NRXN3: variants seen among roughly 807,000 people sequenced by gnomAD.
NRXN3 encodes the protein neurexin III.
In NRXN3, 32 loss-of-function variants were observed where a neutral mutation model predicts 137.6. The ratio of observed to expected loss-of-function variants is 0.23; its 90% CI spans 0.18 to 0.31. NRXN3 has a LOEUF of 0.31. Among genes scored for constraint, NRXN3 ranks in the 10% least tolerant of loss-of-function variants. The probability of loss-of-function intolerance (pLI) is 1.00; values close to 1 mark genes in which losing one functional copy is unlikely to be tolerated. For missense variants in NRXN3, 1,574 were observed against 2,062.5 expected, an observed-to-expected ratio of 0.76 and a Z score of 4.59; for synonymous variants, 798 against 784.5, an observed-to-expected ratio of 1.02 and a Z score of -0.29.
intron 6 of NRXN3, among the ~76,000 whole-genome samples, chr14:78,668,390 G>T (rs1226658799): frequency 6.6e-6 from 1 of 152,196 alleles, no homozygotes; most frequent in Non-Finnish European, 1.5e-5. Flanking sequence ...TAGTTCAGGG[G>T]TTGACAGCAT....
chr14:79,632,446 T>C (rs1337051358), intron 16 of NRXN3: 1 of 152,150 alleles, frequency 6.6e-6, no homozygotes, highest in East Asian at 1.9e-4. Flanking sequence ...AAGAAGGGAA[T>C]TCAGGACAGA....
rs2099358944 is a variant in NRXN3 at position 78,943,624 on chromosome 14, ATATATATATATATATAT to A, written c.2276-13617_2276-13601del. Among the ~76,000 whole-genome samples, 80 of 15,846 alleles carry A rather than the reference ATATATATATATATATAT, an allele frequency of 5.0e-3. 4 individuals are homozygous for A. The highest frequency in any genetic ancestry group is 0.031 in the Middle Eastern group (1 of 32). The allele number at this position is 15,846 out of a possible 152,430, so 10.4% of individuals were successfully genotyped here. On this transcript the variant is annotated intron_variant, in intron 10 of 20. Coordinates refer to ENST00000335750, the MANE Select transcript of NRXN3 (RefSeq NM_001330195.2). Reference sequence around the variant, plus strand: ...AAGATCACTGTTAAAAAAAAAAAATATATATATATATATATATATATATATATATATATATATATATA... The same window carrying A: ...AAGATCACTGTTAAAAAAAAAAAATAATATATATATATATATATATATATA...
rs1473636530 is a variant in NRXN3 at position 78,967,975 on chromosome 14, G to A, written c.2969-198G>A. Reference sequence around the variant, plus strand: ...ATTTTTGAGATGGTATATATAAAATGAATGACACATAATAAATATTGGTTT... The same window carrying A: ...ATTTTTGAGATGGTATATATAAAATAAATGACACATAATAAATATTGGTTT... On this transcript the variant is annotated intron_variant, in intron 13 of 20. Transcript: ENST00000335750. Among the ~76,000 whole-genome samples the A allele has an allele frequency of 2.1e-5, 3 of 140,922 alleles. No homozygotes were observed. In the East Asian group the frequency reaches 6.6e-4, roughly 31 times the overall value. 92.5% of individuals were successfully genotyped at this position (140,922 alleles called of 152,430 possible). A position where few individuals can be genotyped will look rare whatever the true frequency, so the allele number is the denominator to read the frequency against.
chr14:79,122,350 A>G (rs769674907), intron 15 of NRXN3, among the ~76,000 whole-genome samples: 4 of 152,174 alleles, frequency 2.6e-5, no homozygotes, highest in Non-Finnish European at 2.9e-5. Flanking sequence ...GGCCAGAGGC[A>G]TGTTCTGACT....
chr14:79,472,591 C>A (rs756488809), intron 16 of NRXN3, among the ~76,000 whole-genome samples: 1 of 152,042 alleles, frequency 6.6e-6, no homozygotes, highest in Non-Finnish European at 1.5e-5. Context: ...TTCTGTAGAG[C>A]GAGGGTGTCT....
chr14:79,293,578 G>C (rs2083537953), intron 15 of NRXN3, among the ~76,000 whole-genome samples: 1 of 152,228 alleles, frequency 6.6e-6, no homozygotes, highest in Admixed American at 6.5e-5. Context: ...TTAGCACTCA[G>C]GCTTTCCAGG....
chr14:79,020,129 C>T (rs981542878), intron 15 of NRXN3, among the ~76,000 whole-genome samples: 1,814 of 13,934 alleles, frequency 0.13, 63 homozygotes, highest in African/African-American at 0.39. Context: ...TTTCCTTTCC[C>T]TTCCCTTCCC....
chr14:79,235,045 A>G (rs143787695), intron 15 of NRXN3, among the ~76,000 whole-genome samples: 2,965 of 152,262 alleles, frequency 0.019, 100 homozygotes, highest in African/African-American at 0.068. Flanking sequence ...TTTTGAAAAT[A>G]CATTAAGTAT....
intron 15 of NRXN3, among the ~76,000 whole-genome samples, chr14:79,431,375 T>G (rs2095751496): frequency 6.6e-6 from 1 of 152,200 alleles, no homozygotes; most frequent in Admixed American, 6.6e-5. Context: ...ATCAAAACTG[T>G]AGAATATAGT....
At chr14:79,325,137 A>T (rs1015193432) in intron 15 of NRXN3, among the ~76,000 whole-genome samples, 1 of 152,006 alleles carries the variant, frequency 6.6e-6, no homozygotes, top group Non-Finnish European at 1.5e-5. Context: ...TTTTTCTGGT[A>T]GTTTGAAAAA....
At chr14:78,880,108 C>T (rs1443875612) in intron 10 of NRXN3, among the ~76,000 whole-genome samples, 3 of 146,830 alleles carry the variant, frequency 2.0e-5, no homozygotes, top group African/African-American at 7.9e-5. Flanking sequence ...GGCGTAGTGG[C>T]GGGCGCCTGT....
At chr14:79,687,708 T>C (rs549279501) in intron 17 of NRXN3, among the ~76,000 whole-genome samples, 2 of 152,284 alleles carry the variant, frequency 1.3e-5, no homozygotes, top group South Asian at 2.1e-4. Flanking sequence ...TCAGGTGGTA[T>C]TAATAGTCTA....
intron 15 of NRXN3, among the ~76,000 whole-genome samples, chr14:79,161,379 T>G (rs1361393206): frequency 6.6e-6 from 1 of 151,952 alleles, no homozygotes; most frequent in Non-Finnish European, 1.5e-5. Context: ...TTTCAGAGAA[T>G]GTGTCTCTGT....
rs1305478450 is a variant in NRXN3, at chr14:78,837,470, C to A, written c.2275+27126C>A. Among the ~76,000 whole-genome samples the A allele has an allele frequency of 2.6e-5, 4 of 151,014 alleles. No individual in the cohort carries two copies. The East Asian group carries it at 7.8e-4, about 30-fold the overall frequency. ...AACCTGAAAATGCTTCACCCTAGTC[C>A]TTTGCCTCTTTATTTTTGTGGGTTT... On this transcript the variant is annotated intron_variant, in intron 10 of 20. Coordinates refer to ENST00000335750, the MANE Select transcript of NRXN3 (RefSeq NM_001330195.2).
At chr14:79,089,955 A>G (rs1014063468) in intron 15 of NRXN3, among the ~76,000 whole-genome samples, 1 of 152,142 alleles carries the variant, frequency 6.6e-6, no homozygotes, top group South Asian at 2.1e-4. Flanking sequence ...TTGCATTAGG[A>G]TTGTGTTTTT....
At chr14:78,948,688 C>T (rs889978942) in intron 10 of NRXN3, among the ~76,000 whole-genome samples, 2 of 146,454 alleles carry the variant, frequency 1.4e-5, no homozygotes, top group Non-Finnish European at 3.0e-5. Flanking sequence ...AGGCCTGTAC[C>T]CTGGTCTTAC....
At chr14:78,830,967 C>T (rs149931165) in intron 10 of NRXN3, among the ~76,000 whole-genome samples, 64 of 152,146 alleles carry the variant, frequency 4.2e-4, no homozygotes, top group African/African-American at 8.4e-4. Context: ...CATATTCTTA[C>T]GATCAGAAAT....
intron 15 of NRXN3, among the ~76,000 whole-genome samples, chr14:79,148,907 G>T (rs1445493982): frequency 2.0e-5 from 3 of 149,314 alleles, no homozygotes; most frequent in Admixed American, 1.3e-4. Context: ...AAATTAGTTT[G>T]TTTATTTTTG....
At chr14:79,641,501 C>T (rs1186852697) in intron 16 of NRXN3, among the ~76,000 whole-genome samples, 1 of 135,612 alleles carries the variant, frequency 7.4e-6, no homozygotes, top group African/African-American at 2.5e-5. Context: ...TATTTACGCC[C>T]ATGTTTACAG....
Sources: allele counts gnomAD v4.1 joint callset (sites outside exome capture counted in the v4.1 genomes callset), GRCh38; gene constraint gnomAD v4.1.1; transcripts MANE v1.5; gene names NCBI Gene and HGNC (gene_info 2026-07-23, HGNC 2026-07-21).